Variants in TAFA2 observed in about 807,000 individuals in gnomAD.
TAFA2 encodes the protein chemokine-like protein TAFA-2.
Under a neutral mutation model 18.8 loss-of-function variants are expected in TAFA2, and 7 were observed. The ratio of observed to expected loss-of-function variants is 0.37; its 90% CI spans 0.21 to 0.70. TAFA2 has a LOEUF of 0.70. Ranked by LOEUF, TAFA2 falls within the 30% of genes least tolerant of loss-of-function variation. TAFA2 has a pLI of 0.53. For synonymous variants in TAFA2, 60 were observed against 54.2 expected (o/e 1.11, Z -0.47); for missense variants, 122 against 158.1 (o/e 0.77, Z 1.23).
At chr12:61,781,228 G>A (rs979702152) in intron 2 of TAFA2, among the ~76,000 whole-genome samples, 2 of 151,672 alleles carry the variant, frequency 1.3e-5, no homozygotes, top group Non-Finnish European at 2.9e-5. Context: ...AGCCTGAGAA[G>A]GATAGAAGAG....
intron 1 of TAFA2, among the ~76,000 whole-genome samples, chr12:62,203,102 C>T (rs1210025909): frequency 1.3e-5 from 2 of 152,134 alleles, no homozygotes; most frequent in East Asian, 1.9e-4. Context: ...GCTGAGATTA[C>T]AGGCATGAGC....
chr12:62,165,939 T>TCACA (rs34593506), intron 1 of TAFA2, among the ~76,000 whole-genome samples: 8,571 of 139,364 alleles, frequency 0.062, 568 homozygotes, highest in East Asian at 0.25. Context: ...TCTCTCTCTC[T>TCACA]CACACACACA....
intron 1 of TAFA2, among the ~76,000 whole-genome samples, chr12:62,123,046 A>G (rs1870270880): frequency 6.6e-6 from 1 of 152,170 alleles, no homozygotes; most frequent in African/African-American, 2.4e-5. Context: ...TCTCCTCTGA[A>G]CACCTATTTC....
intron 4 of TAFA2, among the ~76,000 whole-genome samples, chr12:61,750,433 T>C (rs1305868914): frequency 6.6e-6 from 1 of 152,080 alleles, no homozygotes; most frequent in East Asian, 1.9e-4. Context: ...AACAAAACAC[T>C]CAAGTTCCAA....
intron 2 of TAFA2, among the ~76,000 whole-genome samples, chr12:61,830,147 TGATCCAATG>T (rs1431752054): frequency 2.0e-5 from 3 of 151,334 alleles, no homozygotes; most frequent in African/African-American, 7.3e-5. Flanking sequence ...ATAAATGTTA[TGATCCAATG>T]GATCCAATGA....
intron 1 of TAFA2, among the ~76,000 whole-genome samples, chr12:62,021,044 G>A (rs1881113089): frequency 6.6e-6 from 1 of 152,190 alleles, no homozygotes; most frequent in South Asian, 2.1e-4. Flanking sequence ...AATAGAGACA[G>A]TATGGTCTGC....
At chr12:61,918,243 G>A (rs759045677) in intron 1 of TAFA2, among the ~76,000 whole-genome samples, 5 of 151,864 alleles carry the variant, frequency 3.3e-5, no homozygotes, top group Non-Finnish European at 7.4e-5. Context: ...CAAATACTAG[G>A]TCTTATTTAT....
chr12:62,183,923 T>C (rs1227515481), intron 1 of TAFA2, among the ~76,000 whole-genome samples: 2 of 152,190 alleles, frequency 1.3e-5, no homozygotes, highest in African/African-American at 2.4e-5. Flanking sequence ...CAAAGACATG[T>C]AACCCTAAAA....
chr12:61,743,001 C>T (rs200231799), intron 4 of TAFA2, among the ~76,000 whole-genome samples: 1 of 151,778 alleles, frequency 6.6e-6, no homozygotes, highest in Non-Finnish European at 1.5e-5. Flanking sequence ...TAAGGTTCTT[C>T]GATGATTCAC....
intron 2 of TAFA2, among the ~76,000 whole-genome samples, chr12:61,788,699 G>A (rs1870845715): frequency 6.6e-6 from 1 of 151,486 alleles, no homozygotes; most frequent in African/African-American, 2.4e-5. Context: ...AATGCAGAGA[G>A]GGAAAATGAT....
intron 2 of TAFA2, among the ~76,000 whole-genome samples, chr12:61,866,457 G>A (rs1179656595): frequency 6.6e-6 from 1 of 152,128 alleles, no homozygotes; most frequent in African/African-American, 2.4e-5. Context: ...TTTATAGTGG[G>A]CAGAGAACTA....
chr12:61,989,601 G>T (rs74096154), intron 1 of TAFA2, among the ~76,000 whole-genome samples: 33 of 152,098 alleles, frequency 2.2e-4, no homozygotes, highest in Non-Finnish European at 4.1e-4. Context: ...GCCAGGGCCC[G>T]CTCACGGCTT....
chr12:61,973,738 C>T (rs1879337142), intron 1 of TAFA2, among the ~76,000 whole-genome samples: 1 of 151,654 alleles, frequency 6.6e-6, no homozygotes, highest in African/African-American at 2.4e-5. Flanking sequence ...AGTTCTCAGA[C>T]TTAGCTATAT....
At chr12:61,879,609 A>G in intron 1 of TAFA2, 1 of 787,818 alleles carries the variant, frequency 1.3e-6, no homozygotes, top group East Asian at 2.4e-5. Context: ...GGAGCAGATC[A>G]AGACATTCAA....
intron 1 of TAFA2, among the ~76,000 whole-genome samples, chr12:62,226,480 A>C (rs1176210077): frequency 6.6e-6 from 1 of 152,146 alleles, no homozygotes; most frequent in East Asian, 1.9e-4. Context: ...TACAGGCGTG[A>C]GCCACCGCAC....
At chr12:61,846,236 C>G (rs1873399907) in intron 2 of TAFA2, among the ~76,000 whole-genome samples, 1 of 151,980 alleles carries the variant, frequency 6.6e-6, no homozygotes, top group African/African-American at 2.4e-5. Context: ...GACGGATAGA[C>G]TTTTTTCTAT....
intron 1 of TAFA2, among the ~76,000 whole-genome samples, chr12:62,198,873 A>C (rs1161250523): frequency 6.6e-6 from 1 of 152,222 alleles, no homozygotes; most frequent in Non-Finnish European, 1.5e-5. Context: ...AGGCCAACTG[A>C]ATAGACACAT....
chr12:61,712,809 ATT>A (rs56022266), intron 4 of TAFA2, among the ~76,000 whole-genome samples: 120,557 of 151,204 alleles, frequency 0.8, 48,368 homozygotes, highest in East Asian at 0.86. Flanking sequence ...CTAATACTTG[ATT>A]TTTTTTTTTT....
chr12:62,110,468 G>C (rs751068219), intron 1 of TAFA2, among the ~76,000 whole-genome samples: 1 of 152,110 alleles, frequency 6.6e-6, no homozygotes, highest in Non-Finnish European at 1.5e-5. Flanking sequence ...GTGAGGTTTT[G>C]GTAACAGAAT....
Sources: allele counts gnomAD v4.1 joint callset (sites outside exome capture counted in the v4.1 genomes callset), GRCh38; gene constraint gnomAD v4.1.1; transcripts MANE v1.5; gene names NCBI Gene and HGNC (gene_info 2026-07-23, HGNC 2026-07-21).